GDI2: variants seen among roughly 807,000 people sequenced by gnomAD.
GDI2 encodes the protein GDP dissociation inhibitor 2, also known as rab GDP dissociation inhibitor beta.
GDI2 carries 22 observed loss-of-function variants against 54.2 expected under a neutral mutation model. The ratio of observed to expected loss-of-function variants is 0.41; its 90% CI spans 0.29 to 0.58. The LOEUF is 0.58. GDI2 is among the 20% of genes least tolerant of loss of function. The pLI is 0.35. For missense variants in GDI2, 422 were observed against 546.0 expected (o/e 0.77, Z 2.26); for synonymous variants, 177 against 182.1 (o/e 0.97, Z 0.23).
At chr10:5,784,858 G>C (rs1443846961) in intron 6 of GDI2, among the ~76,000 whole-genome samples, 1 of 152,210 alleles carries the variant, frequency 6.6e-6, no homozygotes, top group African/African-American at 2.4e-5. Flanking sequence ...ATTCTGTGAA[G>C]GTCCTTGGTT....
Position 5,791,879 on chromosome 10 carries a change from G to A in GDI2, c.388+3006C>T, listed in dbSNP as rs568871125. On this transcript the variant is annotated intron_variant, in intron 4 of 10. Coordinates refer to ENST00000380191, the MANE Select transcript of GDI2 (RefSeq NM_001494.4). Reference sequence around the variant, plus strand: ...TGCAGTGAGCCAAAATTGTGCCACCGCACTCTAGCCTGGGGGACAAAGAAA... The same window carrying A: ...TGCAGTGAGCCAAAATTGTGCCACCACACTCTAGCCTGGGGGACAAAGAAA... 2.0e-4 allele frequency among the ~76,000 whole-genome samples: 30 copies of A among 152,180 alleles called. No homozygotes were observed. In the South Asian group the frequency reaches 6.0e-3, roughly 31 times the overall value.
At chr10:5,803,155 GTCT>G (rs1388083327) in intron 1 of GDI2, among the ~76,000 whole-genome samples, 4 of 152,170 alleles carry the variant, frequency 2.6e-5, no homozygotes, top group African/African-American at 9.7e-5. Context: ...AATATTGATA[GTCT>G]TCTCACAATT....
chr10:5,765,806 G>T lies in GDI2; in HGVS notation c.*200C>A. ...CCAGTTTGGTTAAATTGAACAGAAT[G>T]TGGTAACTGCCAATGCTGAATAGCC... On this transcript the variant is annotated 3_prime_UTR_variant, in exon 11 of 11. Coordinates refer to ENST00000380191, the MANE Select transcript of GDI2 (RefSeq NM_001494.4). 2 of 486,224 alleles carry T rather than the reference G, an allele frequency of 4.1e-6. No homozygotes were observed. Among genetic ancestry groups the T allele is most frequent in the Non-Finnish European group, 7.1e-6 (2 of 280,360 alleles). 30.1% of individuals were successfully genotyped at this position (486,224 alleles called of 1,614,324 possible).
At chr10:5,799,810 GA>G (rs1841227856) in intron 2 of GDI2, among the ~76,000 whole-genome samples, 1 of 152,178 alleles carries the variant, frequency 6.6e-6, no homozygotes, top group Admixed American at 6.5e-5. Context: ...GATGAATGCT[GA>G]AATATTTTGC....
chr10:5,780,016 C>T (rs1840715159), intron 6 of GDI2, among the ~76,000 whole-genome samples: 1 of 151,878 alleles, frequency 6.6e-6, no homozygotes, highest in South Asian at 2.1e-4. Flanking sequence ...TCAACACCAG[C>T]CTGGGCAACA....
intron 4 of GDI2, among the ~76,000 whole-genome samples, chr10:5,794,188 A>AAAAAAAAAAATATAT (rs1448053813): frequency 2.5e-5 from 1 of 40,340 alleles, no homozygotes; most frequent in Non-Finnish European, 4.2e-5. Context: ...AAAAAAAAAA[A>AAAAAAAAAAATATAT]ATATATATAT....
At chr10:5,786,165 ATTTTTT>A (rs35328258) in intron 4 of GDI2, 115 bp from the exon 5 acceptor site, 42 of 385,960 alleles carry the variant, frequency 1.1e-4, no homozygotes, top group Admixed American at 2.0e-4. Context: ...GCAGGATGCA[ATTTTTT>A]TTTTTTTTTT....
At chr10:5,775,973 G>T in intron 6 of GDI2, 1 of 173,482 alleles carries the variant, frequency 5.8e-6, no homozygotes, top group Non-Finnish European at 1.2e-5. Flanking sequence ...AGTCCCTGCG[G>T]CTGCATCGCG....
intron 7 of GDI2, among the ~76,000 whole-genome samples, chr10:5,769,767 T>C (rs1173464880): frequency 6.6e-6 from 1 of 152,218 alleles, no homozygotes; most frequent in Non-Finnish European, 1.5e-5. Flanking sequence ...TGGAACTTCT[T>C]GTCCACTACT....
rs186211808 is a variant in GDI2 at position 5,774,823 on chromosome 10, C to G, written c.720-882G>C. The stretch of plus-strand genomic sequence containing the variant: ...TCCTTGTGTGTGTGTTCTAAAATGG[C>G]CTTGTGCAGTCGCGGGACTATCCAC... On this transcript the variant is annotated intron_variant, in intron 6 of 10. Transcript: ENST00000380191. This position sits in a 1 kb window ranked among gnomAD's most constrained non-coding sequence, Gnocchi z 4.8. Among the ~76,000 whole-genome samples, 3 of 152,254 alleles carry G rather than the reference C, an allele frequency of 2.0e-5. No individual in the cohort carries two copies. The highest frequency in any genetic ancestry group is 2.0e-4 in the Admixed American group (3 of 15,298).
intron 2 of GDI2, among the ~76,000 whole-genome samples, chr10:5,800,288 C>CT (rs1841239790): frequency 6.6e-6 from 1 of 152,012 alleles, no homozygotes; most frequent in Non-Finnish European, 1.5e-5. Flanking sequence ...AAAAAAAAAT[C>CT]TTTGAGGGAC....
chr10:5,794,047 C>T (rs187303419), intron 4 of GDI2, among the ~76,000 whole-genome samples: 56 of 150,946 alleles, frequency 3.7e-4, no homozygotes, highest in Non-Finnish European at 6.3e-4. Flanking sequence ...GCCTATAGTC[C>T]CAGCTACTCA....
intron 7 of GDI2, among the ~76,000 whole-genome samples, chr10:5,769,924 G>C (rs890726108): frequency 6.6e-6 from 1 of 152,142 alleles, no homozygotes; most frequent in Non-Finnish European, 1.5e-5. Context: ...TGAGACATTT[G>C]TACACCCATT....
intron 2 of GDI2, among the ~76,000 whole-genome samples, chr10:5,800,102 C>T (rs1198477358): frequency 2.0e-5 from 3 of 152,058 alleles, no homozygotes; most frequent in Admixed American, 6.6e-5. Context: ...ACAAACCTCA[C>T]GCAGAAAAAC....
chr10:5,773,452 C>T (rs1373705445), intron 7 of GDI2, among the ~76,000 whole-genome samples: 3 of 151,838 alleles, frequency 2.0e-5, no homozygotes, highest in Non-Finnish European at 4.4e-5. Context: ...TTAGAACATG[C>T]ACTAGAACCA....
Position 5,813,243 on chromosome 10 carries a change from C to G in GDI2, c.16G>C (p.Asp6His), listed in dbSNP as rs763560240. ...AGGCCGGTGCCCAGCACGATCACGT[C>G]GTACTCCTCATTCATGGCGGGGCAG... is the stretch of plus-strand genomic sequence containing the variant. MNEEY[D>H]VIVLGTGLTE... is the part of the protein sequence containing the mutation. Residue 6 changes from aspartate to histidine, a missense_variant, in exon 1 of 11, where the codon GAC becomes CAC. Transcript: ENST00000380191. 1.9e-6 allele frequency: 3 copies of G among 1,597,648 alleles called. No homozygotes were observed. In the Middle Eastern group the frequency reaches 5.0e-4, roughly 265 times the overall value.
At chr10:5,805,572 G>A (rs1018529470) in intron 1 of GDI2, among the ~76,000 whole-genome samples, 2 of 151,952 alleles carry the variant, frequency 1.3e-5, no homozygotes, top group Admixed American at 6.6e-5. Flanking sequence ...GTAGCAACAG[G>A]ATATCACTAT....
At chr10:5,799,470 G>C (rs923764417) in intron 2 of GDI2, among the ~76,000 whole-genome samples, 6 of 152,134 alleles carry the variant, frequency 3.9e-5, no homozygotes, top group Non-Finnish European at 8.8e-5. Context: ...TGGCCATCAT[G>C]GTGGAACCCC....
At chr10:5,792,316 A>G (rs1320988193) in intron 4 of GDI2, among the ~76,000 whole-genome samples, 1 of 152,198 alleles carries the variant, frequency 6.6e-6, no homozygotes, top group Admixed American at 6.5e-5. Flanking sequence ...ATCTCACACG[A>G]TTGCAGTGAA....
Sources: allele counts gnomAD v4.1 joint callset (sites outside exome capture counted in the v4.1 genomes callset), GRCh38; gene constraint gnomAD v4.1.1; non-coding constraint Gnocchi (gnomAD v3.1); transcripts MANE v1.5; gene names NCBI Gene and HGNC (gene_info 2026-07-23, HGNC 2026-07-21).